Variants in CPNE4 observed in about 807,000 individuals in gnomAD.
CPNE4 encodes the protein copine 4, also known as copine-4.
CPNE4 carries 25 observed loss-of-function variants against 67.9 expected under a neutral mutation model. The ratio of observed to expected loss-of-function variants is 0.37; its 90% confidence interval spans 0.27 to 0.51. The LOEUF (loss-of-function observed/expected upper bound fraction) is 0.51. CPNE4 is among the 20% of genes least tolerant of loss of function. The probability of loss-of-function intolerance (pLI) is 0.93; values close to 1 mark genes in which losing one functional copy is unlikely to be tolerated. For missense variants in CPNE4, 464 were observed against 690.8 expected, an observed-to-expected ratio of 0.67 and a Z score of 3.68; for synonymous variants, 242 against 244.9, an observed-to-expected ratio of 0.99 and a Z score of 0.11.
chr3:131,790,004 G>A (rs1344531566), intron 2 of CPNE4, among the ~76,000 whole-genome samples: 1 of 152,048 alleles, frequency 6.6e-6, no homozygotes, highest in Non-Finnish European at 1.5e-5. Flanking sequence ...ACCTCCCCTT[G>A]TCAGATCATT....
rs957181603 is a variant in CPNE4, at chr3:131,782,560, T to G, written c.181-58935A>C. Among the ~76,000 whole-genome samples the G allele has an allele frequency of 3.9e-5, 6 of 152,148 alleles. No individual in the cohort carries two copies. In the East Asian group the frequency reaches 7.7e-4, roughly 20 times the overall value. ...TTATCTTGAGAAGATTAATCTTATT[T>G]CAAAGAGGCTCTACATGATTTCTGG... On this transcript the variant is annotated intron_variant, in intron 2 of 15. Coordinates refer to ENST00000429747, the MANE Select transcript of CPNE4 (RefSeq NM_130808.3).
intron 2 of CPNE4, among the ~76,000 whole-genome samples, chr3:131,726,391 A>T (rs2081999253): frequency 6.6e-6 from 1 of 152,204 alleles, no homozygotes; most frequent in African/African-American, 2.4e-5. Context: ...TTAAGTGATA[A>T]ACATTTGTAT....
chr3:131,936,083 A>C (rs1180749586), intron 1 of CPNE4, among the ~76,000 whole-genome samples: 2 of 151,822 alleles, frequency 1.3e-5, no homozygotes, highest in East Asian at 3.9e-4. Flanking sequence ...TGATGCATAA[A>C]TCAACACTTT....
intron 3 of CPNE4, among the ~76,000 whole-genome samples, chr3:131,710,083 C>T (rs2081521225): frequency 6.6e-6 from 1 of 152,164 alleles, no homozygotes; most frequent in Admixed American, 6.5e-5. Flanking sequence ...GAGTGTCTGG[C>T]ACATAGTAAG....
intron 1 of CPNE4, among the ~76,000 whole-genome samples, chr3:132,008,699 C>CTAAA (rs1423045764): frequency 8.5e-5 from 13 of 152,112 alleles, no homozygotes; most frequent in Non-Finnish European, 1.8e-4. Context: ...GAAGAGCTCC[C>CTAAA]TAAACTTCTA....
At chr3:131,838,120 G>A (rs1254820328) in intron 2 of CPNE4, among the ~76,000 whole-genome samples, 1 of 151,712 alleles carries the variant, frequency 6.6e-6, no homozygotes, top group African/African-American at 2.4e-5. Flanking sequence ...TACAATTTTT[G>A]CAGCTTCTAT....
chr3:131,731,567 G>A (rs968991999), intron 2 of CPNE4, among the ~76,000 whole-genome samples: 1 of 152,060 alleles, frequency 6.6e-6, no homozygotes, highest in South Asian at 2.1e-4. Flanking sequence ...TCCAGTTTGT[G>A]AGGCTGTTTT....
intron 7 of CPNE4, among the ~76,000 whole-genome samples, chr3:131,636,840 C>T (rs1463740496): frequency 1.3e-5 from 2 of 152,312 alleles, no homozygotes; most frequent in South Asian, 2.1e-4. Context: ...GGCTGCAAGA[C>T]CTGAAGATGA....
At chr3:131,827,820 T>C (rs1583280333) in intron 2 of CPNE4, among the ~76,000 whole-genome samples, 1 of 152,014 alleles carries the variant, frequency 6.6e-6, no homozygotes, top group East Asian at 1.9e-4. Context: ...GGGCAAGACA[T>C]AAATATAGAG....
chr3:131,770,284 A>G (rs922259301), intron 2 of CPNE4, among the ~76,000 whole-genome samples: 1 of 152,186 alleles, frequency 6.6e-6, no homozygotes. Context: ...GGAGACAGAC[A>G]CCCCTTCTGA....
At chr3:131,702,807 G>T (rs2081333914) in intron 3 of CPNE4, among the ~76,000 whole-genome samples, 1 of 152,194 alleles carries the variant, frequency 6.6e-6, no homozygotes, top group Non-Finnish European at 1.5e-5. Context: ...TGTTCCATTT[G>T]CAGGGAATGA....
Position 131,817,463 on chromosome 3 carries a change from A to C in CPNE4, c.180+87801T>G, listed in dbSNP as rs2084789815. ...CAGTAAATGAGGGGTGAATAGTAGGACAGGAGGTCAGAGAAGTTAGCAAGG... is the reference window on the plus strand; with the variant it reads ...CAGTAAATGAGGGGTGAATAGTAGGCCAGGAGGTCAGAGAAGTTAGCAAGG... On this transcript the variant is annotated intron_variant, in intron 2 of 15. Transcript: ENST00000429747. 2.0e-5 allele frequency among the ~76,000 whole-genome samples: 3 copies of C among 152,334 alleles called. No individual in the cohort carries two copies. The South Asian group carries it at 6.2e-4, about 32-fold the overall frequency.
At chr3:131,812,585 T>C (rs762118392) in intron 2 of CPNE4, among the ~76,000 whole-genome samples, 1 of 152,218 alleles carries the variant, frequency 6.6e-6, no homozygotes, top group Non-Finnish European at 1.5e-5. Flanking sequence ...AAATATCAAA[T>C]ATCACATGCA....
At chr3:131,783,675 T>G (rs981218831) in intron 2 of CPNE4, among the ~76,000 whole-genome samples, 2 of 152,086 alleles carry the variant, frequency 1.3e-5, no homozygotes, top group Admixed American at 1.3e-4. Flanking sequence ...TATCCTCTTA[T>G]TAAGTTCATT....
rs567152069 is a variant in CPNE4 at position 131,557,146 on chromosome 3, T to G, written c.1062-1595A>C. On this transcript the variant is annotated intron_variant, in intron 11 of 15. Coordinates refer to ENST00000429747, the MANE Select transcript of CPNE4 (RefSeq NM_130808.3). ...CCTGCCTAGACAACAAATAAGACCC[T>G]CTTTAATCGAATAGTTGTGCTGTCG... 2.0e-5 allele frequency among the ~76,000 whole-genome samples: 3 copies of G among 152,236 alleles called. No individual in the cohort carries two copies. The South Asian group carries it at 6.2e-4, about 32-fold the overall frequency.
At chr3:131,779,028 T>C (rs2083364310) in intron 2 of CPNE4, among the ~76,000 whole-genome samples, 1 of 152,098 alleles carries the variant, frequency 6.6e-6, no homozygotes. Context: ...CAGTAGCATT[T>C]CTGTACACCA....
chr3:131,767,284 C>T (rs1280833754), intron 2 of CPNE4, among the ~76,000 whole-genome samples: 2 of 122,876 alleles, frequency 1.6e-5, no homozygotes, highest in South Asian at 2.6e-4. Flanking sequence ...TGTGTGTGTA[C>T]TGTATTTAGA....
chr3:131,983,769 AAG>A (rs1462402357), intron 1 of CPNE4, among the ~76,000 whole-genome samples: 1 of 152,200 alleles, frequency 6.6e-6, no homozygotes, highest in African/African-American at 2.4e-5. Flanking sequence ...GACTGATATC[AAG>A]AGTTTTCCAG....
intron 2 of CPNE4, among the ~76,000 whole-genome samples, chr3:131,904,905 A>G (rs553042389): frequency 6.6e-6 from 1 of 152,224 alleles, no homozygotes; most frequent in East Asian, 1.9e-4. Context: ...CTCTGGAACC[A>G]GTTTTTGGAA....
Sources: gnomAD v4.1 joint callset for allele counts (sites outside exome capture counted in the v4.1 genomes callset) on GRCh38, gnomAD v4.1.1 for gene constraint, MANE v1.5 for transcripts, NCBI Gene and HGNC (gene_info 2026-07-23, HGNC 2026-07-21) for gene names.